AKAP13: variants seen among roughly 807,000 people sequenced by gnomAD.
AKAP13 encodes A-kinase anchoring protein 13, also known as A-kinase anchor protein 13.
In AKAP13, 80 loss-of-function variants were observed where a neutral mutation model predicts 264.5. The observed-to-expected ratio is 0.30, with a 90% CI of 0.25 to 0.36. The LOEUF (loss-of-function observed/expected upper bound fraction) is 0.36. AKAP13 is among the 10% of genes least tolerant of loss of function. The pLI, the probability that AKAP13 is intolerant of heterozygous loss-of-function variation, is 1.00. For missense variants in AKAP13, 3,712 were observed against 3,435.2 expected, an observed-to-expected ratio of 1.08 and a Z score of -2.01; for synonymous variants, 1,380 against 1,250.2, an observed-to-expected ratio of 1.10 and a Z score of -2.19.
intron 5 of AKAP13, among the ~76,000 whole-genome samples, chr15:85,562,173 T>G (rs964275257): frequency 2.6e-5 from 4 of 152,224 alleles, no homozygotes; most frequent in African/African-American, 9.7e-5. Context: ...GATACATTGT[T>G]AAGCAGTTGA....
At chr15:85,389,941 A>G (rs537193368) in intron 1 of AKAP13, 2 of 152,358 alleles carry the variant, frequency 1.3e-5, no homozygotes, top group Admixed American at 6.5e-5. Flanking sequence ...TTCTTAGCAT[A>G]TATGCTTTAT....
chr15:85,667,609 T>G (rs1401829406), intron 13 of AKAP13, among the ~76,000 whole-genome samples: 4 of 152,200 alleles, frequency 2.6e-5, no homozygotes, highest in Non-Finnish European at 5.9e-5. Flanking sequence ...AAATTGTGGA[T>G]TTGTAAACAG....
chr15:85,599,855 G>A (rs1332068285), intron 8 of AKAP13, among the ~76,000 whole-genome samples: 12 of 152,172 alleles, frequency 7.9e-5, no homozygotes, highest in Non-Finnish European at 4.4e-5. Flanking sequence ...AGGCAACAAA[G>A]TGAGACCCCA....
intron 15 of AKAP13, among the ~76,000 whole-genome samples, chr15:85,682,652 A>C (rs1301280361): frequency 2.0e-5 from 3 of 152,220 alleles, no homozygotes; most frequent in African/African-American, 7.2e-5. Context: ...AGCTCTGTCG[A>C]AGTAAACGAA....
chr15:85,456,591 C>T (rs1262714208), intron 1 of AKAP13, among the ~76,000 whole-genome samples: 2 of 150,096 alleles, frequency 1.3e-5, no homozygotes, highest in Non-Finnish European at 3.0e-5. Flanking sequence ...GCTCTGTCGC[C>T]CGGGCTGGAG....
rs2089392652 is a variant in AKAP13, at chr15:85,747,072, A to C, written c.*2395A>C. The C allele has an allele frequency of 6.6e-6, 1 of 151,978 alleles. No homozygotes were observed. The highest frequency in any genetic ancestry group is 2.1e-4 in the South Asian group (1 of 4,820). The allele number at this position is 151,978 out of a possible 1,614,324, so 9.4% of individuals were successfully genotyped here. A position where few individuals can be genotyped will look rare whatever the true frequency, so the allele number is the denominator to read the frequency against. On this transcript the variant is annotated 3_prime_UTR_variant, in exon 37 of 37. Transcript: ENST00000394518. ...AAATAGAGATTTCACATCTGCCCAG[A>C]CCCCACTCAAAACGATTTGGTCAGG...
At chr15:85,684,926 A>T (rs2084808084) in intron 16 of AKAP13, 53 bp downstream of exon 16, 3 of 1,568,124 alleles carry the variant, frequency 1.9e-6, no homozygotes, top group Middle Eastern at 1.7e-4. Flanking sequence ...ATCCTGTCAC[A>T]GCCTGCATTC....
intron 1 of AKAP13, among the ~76,000 whole-genome samples, chr15:85,456,927 C>T (rs1308640922): frequency 3.3e-5 from 5 of 152,158 alleles, no homozygotes; most frequent in African/African-American, 1.2e-4. Flanking sequence ...AAGTATTCCT[C>T]AGTCCATTCA....
At chr15:85,731,488 C>T (rs1290719661) in intron 30 of AKAP13, among the ~76,000 whole-genome samples, 1 of 151,582 alleles carries the variant, frequency 6.6e-6, no homozygotes, top group Admixed American at 6.6e-5. Flanking sequence ...GAGAGTTTCC[C>T]ACAGTTTGGA....
intron 5 of AKAP13, among the ~76,000 whole-genome samples, chr15:85,569,044 G>A (rs1403886583): frequency 1.3e-5 from 2 of 152,196 alleles, no homozygotes; most frequent in African/African-American, 2.4e-5. Context: ...TGTTCAGAAT[G>A]TTCTGAGCAA....
At chr15:85,620,513 C>A (rs1014045496) in intron 8 of AKAP13, among the ~76,000 whole-genome samples, 8 of 152,058 alleles carry the variant, frequency 5.3e-5, no homozygotes, top group African/African-American at 1.7e-4. Flanking sequence ...GTCACCCCTC[C>A]GCCCCCAGAC....
chr15:85,705,966 C>T (rs1051561513), intron 17 of AKAP13, among the ~76,000 whole-genome samples: 2 of 152,202 alleles, frequency 1.3e-5, no homozygotes, highest in African/African-American at 4.8e-5. Context: ...GCTTTATTCT[C>T]TTCAGCATTA....
chr15:85,682,655 T>C (rs560443484), intron 15 of AKAP13, among the ~76,000 whole-genome samples: 1 of 152,356 alleles, frequency 6.6e-6, no homozygotes, highest in East Asian at 1.9e-4. Context: ...TCTGTCGAAG[T>C]AAACGAATTG....
rs1271894736 is a variant in AKAP13, at chr15:85,669,950, A to G, written c.5101+120A>G. Reference sequence around the variant, plus strand: ...CCAAAATTTGCTTACTACTTCTTTGAGTGAATGGCTCAGCACTTAAACAGA... The same window carrying G: ...CCAAAATTTGCTTACTACTTCTTTGGGTGAATGGCTCAGCACTTAAACAGA... On this transcript the variant is annotated intron_variant, in intron 14 of 36. Transcript: ENST00000394518. The G allele has an allele frequency of 3.6e-5, 21 of 588,102 alleles. No homozygotes were observed. The South Asian group carries it at 4.3e-4, about 12-fold the overall frequency. 36.4% of individuals were successfully genotyped at this position (588,102 alleles called of 1,614,324 possible).
At position 85,717,362 on chromosome 15, in the gene AKAP13, C is replaced by T. The variant is rs937836847; in HGVS notation, c.5808C>T (p.Ile1936=). Reference sequence around the variant, plus strand: ...ATTCAACAGACTCACTAAATAAAATCAGCAAGGTCAATGAGTCAACAGAAT... The same window carrying T: ...ATTCAACAGACTCACTAAATAAAATTAGCAAGGTCAATGAGTCAACAGAAT... The part of the protein sequence containing the change: ...LSHSTDSLNK[I]SKVNESTESL... The change falls in exon 21 of 37, where the codon ATC becomes ATT. Residue 1936 remains isoleucine, a synonymous_variant. Transcript: ENST00000394518. 5 of 1,613,124 alleles carry T rather than the reference C, an allele frequency of 3.1e-6. No homozygotes were observed. The highest frequency in any genetic ancestry group is 4.2e-6 in the Non-Finnish European group (5 of 1,179,792).
chr15:85,560,960 T>A (rs1163933224), intron 5 of AKAP13, among the ~76,000 whole-genome samples: 1 of 151,992 alleles, frequency 6.6e-6, no homozygotes, highest in Non-Finnish European at 1.5e-5. Flanking sequence ...CACATTAAAG[T>A]CTCTGCAGGA....
At chr15:85,529,374 T>G (rs2077179563) in intron 3 of AKAP13, among the ~76,000 whole-genome samples, 1 of 152,148 alleles carries the variant, frequency 6.6e-6, no homozygotes, top group African/African-American at 2.4e-5. Flanking sequence ...TGAGCCGAGA[T>G]CGTGCCACTG....
chr15:85,601,387 A>G (rs2080061672), intron 8 of AKAP13, among the ~76,000 whole-genome samples: 1 of 152,216 alleles, frequency 6.6e-6, no homozygotes, highest in Non-Finnish European at 1.5e-5. Context: ...ATTCACCAGC[A>G]TCATTCATAA....
At chr15:85,709,877 AG>A (rs909782512) in intron 18 of AKAP13, among the ~76,000 whole-genome samples, 97 of 152,036 alleles carry the variant, frequency 6.4e-4, no homozygotes, top group African/African-American at 2.3e-3. Flanking sequence ...TAGTTGAGAC[AG>A]GGTTTCGCCA....
Sources: gnomAD v4.1 joint callset for allele counts (sites outside exome capture counted in the v4.1 genomes callset) on GRCh38, gnomAD v4.1.1 for gene constraint, MANE v1.5 for transcripts, NCBI Gene and HGNC (gene_info 2026-07-23, HGNC 2026-07-21) for gene names.